CCDC85C: variants seen among roughly 807,000 people sequenced by gnomAD.
The protein encoded by CCDC85C is coiled-coil domain containing 85C, also known as coiled-coil domain-containing protein 85C.
In CCDC85C, 18 loss-of-function variants were observed where a neutral mutation model predicts 38.3. The ratio of observed to expected loss-of-function variants is 0.47; its 90% CI spans 0.33 to 0.70. The LOEUF is 0.70. Among genes scored for constraint, CCDC85C ranks in the 30% least tolerant of loss-of-function variants. The probability of loss-of-function intolerance (pLI) is 0.03; values close to 1 mark genes in which losing one functional copy is unlikely to be tolerated. For synonymous variants in CCDC85C, 264 were observed against 293.8 expected (o/e 0.90, Z 1.04); for missense variants, 566 against 621.2 (o/e 0.91, Z 0.94).
intron 3 of CCDC85C, among the ~76,000 whole-genome samples, chr14:99,518,568 C>G (rs1332120591): frequency 6.6e-6 from 1 of 152,090 alleles, no homozygotes; most frequent in Non-Finnish European, 1.5e-5. Flanking sequence ...TGGGGCAACG[C>G]AAGGCGGCAC....
At chr14:99,596,518 C>G (rs1226256652) in intron 1 of CCDC85C, among the ~76,000 whole-genome samples, 4 of 152,260 alleles carry the variant, frequency 2.6e-5, no homozygotes, top group Non-Finnish European at 5.9e-5. Context: ...CCCTCAAGAG[C>G]TGGAGGTCAG....
In CCDC85C at chr14:99,545,694, G is replaced by A. The variant is rs1472068962; in HGVS notation, c.794-9606C>T. 6.6e-6 allele frequency among the ~76,000 whole-genome samples: 1 copy of A among 152,102 alleles called. No individual in the cohort carries two copies. Among genetic ancestry groups the A allele is most frequent in the Non-Finnish European group, 1.5e-5 (1 of 68,026 alleles). ...GCAGACATCAGCTAGTCCCGCCGGG[G>A]AGAGACATCTCACCACACAGCGGTC... On this transcript the variant is annotated intron_variant, in intron 1 of 5. Coordinates refer to ENST00000380243, the MANE Select transcript of CCDC85C (RefSeq NM_001144995.2). The surrounding 1 kb of genome is among the most constrained non-coding windows in gnomAD (Gnocchi z 4.7).
At chr14:99,595,132 T>G (rs1183787196) in intron 1 of CCDC85C, among the ~76,000 whole-genome samples, 1 of 152,214 alleles carries the variant, frequency 6.6e-6, no homozygotes, top group Non-Finnish European at 1.5e-5. Context: ...CCTTGCTCAC[T>G]GCCCCAGTGC....
At chr14:99,563,487 G>A (rs749350580) in intron 1 of CCDC85C, among the ~76,000 whole-genome samples, 53 of 152,262 alleles carry the variant, frequency 3.5e-4, no homozygotes, top group African/African-American at 1.2e-3. Context: ...AGGCAGCTTC[G>A]AGCACAACTG....
intron 1 of CCDC85C, among the ~76,000 whole-genome samples, chr14:99,560,720 A>G (rs1238168359): frequency 2.6e-5 from 4 of 152,242 alleles, no homozygotes; most frequent in Non-Finnish European, 2.9e-5. Context: ...GGCCTAGAGA[A>G]AGGTCTTGAG....
chr14:99,569,203 T>A lies in CCDC85C; in HGVS notation c.794-33115A>T, dbSNP rs1289182536. On this transcript the variant is annotated intron_variant, in intron 1 of 5. Transcript: ENST00000380243. The surrounding 1 kb of genome is among the most constrained non-coding windows in gnomAD (Gnocchi z 4.3). ...TAAGGCCCACGTCGACCCATCTTCG[T>A]GAAGGAAGACCTAAATCCTCCCAAC... Among the ~76,000 whole-genome samples the A allele has an allele frequency of 6.6e-6, 1 of 152,188 alleles. No homozygotes were observed. The highest frequency in any genetic ancestry group is 1.5e-5 in the Non-Finnish European group (1 of 68,036).
At chr14:99,519,036 G>A (rs1388315163) in intron 3 of CCDC85C, among the ~76,000 whole-genome samples, 1 of 150,950 alleles carries the variant, frequency 6.6e-6, no homozygotes, top group Non-Finnish European at 1.5e-5. Flanking sequence ...GGGCAGATGG[G>A]CCCACTGAGT....
chr14:99,559,222 G>A lies in CCDC85C; in HGVS notation c.794-23134C>T, dbSNP rs28624261. Among the ~76,000 whole-genome samples, 146 of 151,162 alleles carry A rather than the reference G, an allele frequency of 9.7e-4. 1 individual carries two copies. The highest frequency in any genetic ancestry group is 1.2e-3 in the African/African-American group (50 of 41,038). ...AGCAGCCGAATACAGGAGTCCCCCC[G>A]AGAGCCTCCAAAAGGAACTGGCCCC... is the stretch of plus-strand genomic sequence containing the variant. On this transcript the variant is annotated intron_variant, in intron 1 of 5. Coordinates refer to ENST00000380243, the MANE Select transcript of CCDC85C (RefSeq NM_001144995.2).
At position 99,538,706 on chromosome 14, in the gene CCDC85C, G is replaced by A. The variant is rs1374990369; in HGVS notation, c.794-2618C>T. Among the ~76,000 whole-genome samples the A allele has an allele frequency of 3.3e-5, 5 of 152,212 alleles. No homozygotes were observed. The East Asian group carries it at 7.7e-4, about 23-fold the overall frequency. ...TGGAACCCAAGTCCACAGCTGCCCC[G>A]TCAGCCTCAGCACCTTCGCTGGGTG... On this transcript the variant is annotated intron_variant, in intron 1 of 5. Coordinates refer to ENST00000380243, the MANE Select transcript of CCDC85C (RefSeq NM_001144995.2).
chr14:99,502,659 A>G lies in CCDC85C; in HGVS notation c.*12587T>C. 4 of 1,502,004 alleles carry G rather than the reference A, an allele frequency of 2.7e-6. No individual in the cohort carries two copies. The highest frequency in any genetic ancestry group is 3.7e-6 in the Non-Finnish European group (4 of 1,085,294). 93.0% of individuals were successfully genotyped at this position (1,502,004 alleles called of 1,614,324 possible). The stretch of plus-strand genomic sequence containing the variant: ...GGGTATCATAACTGATTCTTTATCC[A>G]GGTAAAATTTTATTTAAAATACCAA... On this transcript the variant is annotated 3_prime_UTR_variant, in exon 6 of 6. Coordinates refer to ENST00000380243, the MANE Select transcript of CCDC85C (RefSeq NM_001144995.2).
In CCDC85C at chr14:99,501,059, T is replaced by C; in HGVS notation, c.*14187A>G. On this transcript the variant is annotated 3_prime_UTR_variant, in exon 6 of 6. Coordinates refer to ENST00000380243, the MANE Select transcript of CCDC85C (RefSeq NM_001144995.2). ...TGTTTCCTTTTATGTATAAACAGGCTCTGTCATCCAGTTGCCAAGTGATGG... is the reference window on the plus strand; with the variant it reads ...TGTTTCCTTTTATGTATAAACAGGCCCTGTCATCCAGTTGCCAAGTGATGG... 1.7e-6 allele frequency: 1 copy of C among 605,126 alleles called. No homozygotes were observed. The highest frequency in any genetic ancestry group is 2.1e-5 in the South Asian group (1 of 48,670). 37.5% of individuals were successfully genotyped at this position (605,126 alleles called of 1,614,324 possible).
chr14:99,603,727 T>A lies in CCDC85C; in HGVS notation c.233A>T (p.Gln78Leu), dbSNP rs1335632940. ...CTCGCGCAGCTCCTGGTTGTCGTCC[T>A]GCAGCCGCTGGTTCACGTCCTTGAG... ...RGLKDVNQRLQDDNQELRELC... is the reference protein window; with the variant it reads ...RGLKDVNQRLLDDNQELRELC... Residue 78 changes from glutamine (Q) to leucine (L), a missense_variant, in exon 1 of 6, where the codon CAG becomes CTG. Transcript: ENST00000380243. This position sits in a 1 kb window ranked among gnomAD's most constrained non-coding sequence, Gnocchi z 7.5. The A allele has an allele frequency of 6.6e-7, 1 of 1,519,356 alleles. No individual in the cohort carries two copies. Among genetic ancestry groups the A allele is most frequent in the Non-Finnish European group, 8.8e-7 (1 of 1,139,216 alleles). The allele number at this position is 1,519,356 out of a possible 1,614,324, so 94.1% of individuals were successfully genotyped here. A position where few individuals can be genotyped will look rare whatever the true frequency, so the allele number is the denominator to read the frequency against.
At position 99,503,210 on chromosome 14, in the gene CCDC85C, T is replaced by A. The variant is rs532928894; in HGVS notation, c.*12036A>T. On this transcript the variant is annotated 3_prime_UTR_variant, in exon 6 of 6. Transcript: ENST00000380243. ...GGGGCTCTCTGCCCGGCTCCAGCCC[T>A]GCTGCCTGTTTCATCCCTGCCAGGG... 4.4e-6 allele frequency: 3 copies of A among 687,730 alleles called. No homozygotes were observed. Among genetic ancestry groups the A allele is most frequent in the Non-Finnish European group, 7.9e-6 (3 of 380,730 alleles). 42.6% of individuals were successfully genotyped at this position (687,730 alleles called of 1,614,324 possible). A position where few individuals can be genotyped will look rare whatever the true frequency, so the allele number is the denominator to read the frequency against.
rs1266865240 is a variant in CCDC85C at position 99,603,202 on chromosome 14, G to T, written c.758C>A (p.Pro253Gln). 1.4e-6 allele frequency: 2 copies of T among 1,426,780 alleles called. No individual in the cohort carries two copies. Among genetic ancestry groups the T allele is most frequent in the Admixed American group, 2.7e-5 (1 of 36,880 alleles). The allele number at this position is 1,426,780 out of a possible 1,614,324, so 88.4% of individuals were successfully genotyped here. A position where few individuals can be genotyped will look rare whatever the true frequency, so the allele number is the denominator to read the frequency against. ...GTTGGGGATGCTGCGGTGGTGCGGC[G>T]GCGCCGACAAGTCGTCCAGGGACCG... is the stretch of plus-strand genomic sequence containing the variant. ...TRRSLDDLSAPPHHRSIPNGL... is the reference protein window; with the variant it reads ...TRRSLDDLSAQPHHRSIPNGL... The change falls in exon 1 of 6, where the codon CCG (proline) becomes CAG (glutamine). Residue 253 changes from proline (P) to glutamine (Q), a missense_variant. Around this residue, in one of 3 missense-constraint regions of CCDC85C, gnomAD observed 286 missense variants for 276.4 expected, o/e 1.03. Transcript: ENST00000380243. The surrounding 1 kb of genome is among the most constrained non-coding windows in gnomAD (Gnocchi z 7.5).
At chr14:99,562,179 G>A (rs544113285) in intron 1 of CCDC85C, among the ~76,000 whole-genome samples, 1 of 152,176 alleles carries the variant, frequency 6.6e-6, no homozygotes, top group Non-Finnish European at 1.5e-5. Flanking sequence ...AGAAGAGAGC[G>A]ACGCCCTCCA....
chr14:99,586,973 C>T, intron 1 of CCDC85C, among the ~76,000 whole-genome samples: 1 of 152,218 alleles, frequency 6.6e-6, no homozygotes, highest in East Asian at 1.9e-4. Context: ...CTACCGGGGA[C>T]CTGCTTGCTC....
intron 1 of CCDC85C, among the ~76,000 whole-genome samples, chr14:99,561,827 G>A (rs988139912): frequency 5.3e-5 from 8 of 152,184 alleles, no homozygotes; most frequent in Non-Finnish European, 1.2e-4. Flanking sequence ...CTTAGGTTTT[G>A]GAACCCAGCT....
chr14:99,589,736 A>G (rs933703896), intron 1 of CCDC85C, among the ~76,000 whole-genome samples: 8 of 152,194 alleles, frequency 5.3e-5, no homozygotes, highest in African/African-American at 1.7e-4. Context: ...GCTGAGAGGA[A>G]GCAGGGGCTG....
At chr14:99,580,117 T>G (rs1170720025) in intron 1 of CCDC85C, 1 of 455,716 alleles carries the variant, frequency 2.2e-6, no homozygotes, top group South Asian at 1.5e-5. Context: ...GCAAAGTGGC[T>G]GGAGCTGCTG....
Sources: allele counts gnomAD v4.1 joint callset (sites outside exome capture counted in the v4.1 genomes callset), GRCh38; gene constraint gnomAD v4.1.1; regional missense constraint gnomAD v4.1.1; non-coding constraint Gnocchi (gnomAD v3.1); transcripts MANE v1.5; gene names NCBI Gene and HGNC (gene_info 2026-07-23, HGNC 2026-07-21).